Variants in DHRSX observed in about 807,000 individuals in gnomAD.
The protein encoded by DHRSX is polyprenol dehydrogenase.
DHRSX carries 31 observed loss-of-function variants against 34.0 expected under a neutral mutation model. That is an observed-to-expected ratio of 0.91 (90% confidence interval 0.69 to 1.23). The LOEUF (loss-of-function observed/expected upper bound fraction) is 1.23, where lower values mean the gene tolerates loss of function less well. DHRSX is among the 50% of genes most tolerant of loss of function. The pLI is 0.00. For synonymous variants in DHRSX, 201 were observed against 183.8 expected, an observed-to-expected ratio of 1.09 and a Z score of -0.76; for missense variants, 414 against 428.1, an observed-to-expected ratio of 0.97 and a Z score of 0.29.
intron 1 of DHRSX, among the ~76,000 whole-genome samples, chrX:2,449,097 G>C (rs1018865816): frequency 6.6e-6 from 1 of 152,002 alleles, no homozygotes; most frequent in East Asian, 1.9e-4. Context: ...GCTGAGACAG[G>C]AGAATGGCTT....
chrX:2,430,155 C>T (rs1295373452), intron 1 of DHRSX, among the ~76,000 whole-genome samples: 1 of 149,458 alleles, frequency 6.7e-6, no homozygotes, highest in African/African-American at 2.5e-5. Context: ...GATGTCATGC[C>T]ACATGGTTTT....
intron 6 of DHRSX, among the ~76,000 whole-genome samples, chrX:2,235,283 G>GGGAGGTTGGCA (rs200984353): frequency 0.013 from 1,914 of 152,212 alleles, 41 homozygotes; most frequent in African/African-American, 0.043. Context: ...CCTGAAAGGT[G>GGGAGGTTGGCA]GGAGGTTGGC....
At chrX:2,224,960 A>G (rs2015611876) in intron 6 of DHRSX, among the ~76,000 whole-genome samples, 2 of 36,356 alleles carry the variant, frequency 5.5e-5, no homozygotes, top group Admixed American at 4.1e-4. Context: ...GCTCACACAC[A>G]TGCTCACATT....
chrX:2,333,951 G>T (rs1249143249), intron 3 of DHRSX, among the ~76,000 whole-genome samples: 1 of 152,122 alleles, frequency 6.6e-6, no homozygotes, highest in Non-Finnish European at 1.5e-5. Context: ...CAGCTGCACA[G>T]TATTCCACGA....
chrX:2,497,658 T>A (rs1452299220), intron 1 of DHRSX, among the ~76,000 whole-genome samples: 1 of 152,194 alleles, frequency 6.6e-6, no homozygotes, highest in African/African-American at 2.4e-5. Flanking sequence ...TGGCCTATTA[T>A]TTACAATAGA....
chrX:2,241,725 G>A (rs35911060), intron 6 of DHRSX, among the ~76,000 whole-genome samples: 28,832 of 151,914 alleles, frequency 0.19, 3,061 homozygotes, highest in Admixed American at 0.22. Context: ...CCTGGTCAGC[G>A]TGATGAAACC....
intron 3 of DHRSX, among the ~76,000 whole-genome samples, chrX:2,338,596 C>G (rs1238787725): frequency 6.6e-6 from 1 of 151,894 alleles, no homozygotes; most frequent in African/African-American, 2.4e-5. Context: ...TCTCCACAGG[C>G]TGGTTGTTAA....
chrX:2,488,607 A>C, intron 1 of DHRSX: 1 of 1,556,888 alleles, frequency 6.4e-7, no homozygotes, highest in Non-Finnish European at 8.7e-7. Context: ...TGCTGCGGGG[A>C]TGACTTGTAA....
chrX:2,421,844 A>G (rs2043784235), intron 2 of DHRSX, among the ~76,000 whole-genome samples: 1 of 152,214 alleles, frequency 6.6e-6, no homozygotes, highest in South Asian at 2.1e-4. Context: ...CACAGTTTTT[A>G]TCGTATAGAT....
rs763016105 is a variant in DHRSX at position 2,334,082 on chromosome X, G to A, written c.287-42479C>T. ...CATTCATGTGCAAAAGTGTCTTTACGGTAGAATAATTGGTATTTCTTTAGG... is the reference window on the plus strand; with the variant it reads ...CATTCATGTGCAAAAGTGTCTTTACAGTAGAATAATTGGTATTTCTTTAGG... On this transcript the variant is annotated intron_variant, in intron 3 of 6. Coordinates refer to ENST00000334651, the MANE Select transcript of DHRSX (RefSeq NM_145177.3). Among the ~76,000 whole-genome samples, 26 of 151,848 alleles carry A rather than the reference G, an allele frequency of 1.7e-4. No individual in the cohort carries two copies. In the Middle Eastern group the frequency reaches 0.01, roughly 60 times the overall value.
intron 1 of DHRSX, among the ~76,000 whole-genome samples, chrX:2,485,211 C>G (rs1259613551): frequency 6.6e-6 from 1 of 152,096 alleles, no homozygotes; most frequent in Non-Finnish European, 1.5e-5. Flanking sequence ...CTGTAAGAAA[C>G]CCTCAAGGAC....
rs2015510762 is a variant in DHRSX, at chrX:2,221,151, A to G, written c.883T>C (p.Tyr295His). ...AGGGACTTGGTCTCTTTCTCGTTGTATAGGTAATGGCCACCAACTCCTTCC... is the reference window on the plus strand; with the variant it reads ...AGGGACTTGGTCTCTTTCTCGTTGTGTAGGTAATGGCCACCAACTCCTTCC... The part of the protein sequence containing the change: ...ELEGVGGHYL[Y>H]NEKETKSLHV... The change falls in exon 7 of 7, where the codon TAC (tyrosine) becomes CAC (histidine). Residue 295 changes from tyrosine (Y) to histidine (H), a missense_variant. Transcript: ENST00000334651. 1.9e-6 allele frequency: 3 copies of G among 1,613,726 alleles called. No individual in the cohort carries two copies. The highest frequency in any genetic ancestry group is 1.1e-5 in the South Asian group (1 of 91,060).
chrX:2,469,438 C>A (rs1421511476), intron 1 of DHRSX, among the ~76,000 whole-genome samples: 1 of 151,634 alleles, frequency 6.6e-6, no homozygotes, highest in Admixed American at 6.6e-5. Flanking sequence ...TGAAGACACT[C>A]CCTAGGCATG....
chrX:2,283,490 G>T (rs189427970), intron 4 of DHRSX, among the ~76,000 whole-genome samples: 98 of 152,264 alleles, frequency 6.4e-4, no homozygotes, highest in African/African-American at 2.3e-3. Flanking sequence ...CCGTCTTCCC[G>T]GGAGGGAGAC....
chrX:2,268,332 T>A (rs187171674), intron 4 of DHRSX, among the ~76,000 whole-genome samples: 1 of 152,374 alleles, frequency 6.6e-6, no homozygotes, highest in Non-Finnish European at 1.5e-5. Context: ...GATATGTATT[T>A]GTATGTACAT....
At chrX:2,310,565 A>T (rs868652742) in intron 3 of DHRSX, among the ~76,000 whole-genome samples, 2 of 140,022 alleles carry the variant, frequency 1.4e-5, no homozygotes, top group South Asian at 2.2e-4. Flanking sequence ...TGTGTGTGAG[A>T]GAGAGAGAGA....
chrX:2,461,336 T>C (rs901757220), intron 1 of DHRSX, among the ~76,000 whole-genome samples: 13 of 152,182 alleles, frequency 8.5e-5, no homozygotes, highest in Non-Finnish European at 1.6e-4. Flanking sequence ...TCCTTCTGCA[T>C]CAAAACATCT....
At chrX:2,342,137 G>A (rs137912737) in intron 3 of DHRSX, among the ~76,000 whole-genome samples, 1,743 of 152,174 alleles carry the variant, frequency 0.011, 37 homozygotes, top group African/African-American at 0.04. Flanking sequence ...GGGCGTGAAG[G>A]TTCAGTAAGA....
At chrX:2,480,277 C>A (rs1339783712) in intron 1 of DHRSX, among the ~76,000 whole-genome samples, 1 of 150,884 alleles carries the variant, frequency 6.6e-6, no homozygotes, top group East Asian at 1.9e-4. Flanking sequence ...GAGACAAATA[C>A]TGTATCATCT....
Sources: gnomAD v4.1 joint callset for allele counts (sites outside exome capture counted in the v4.1 genomes callset) on GRCh38, gnomAD v4.1.1 for gene constraint, MANE v1.5 for transcripts, NCBI Gene and HGNC (gene_info 2026-07-23, HGNC 2026-07-21) for gene names.